ERP44: variants seen among roughly 807,000 people sequenced by gnomAD.
ERP44 encodes endoplasmic reticulum resident protein 44.
Under a neutral mutation model 53.4 loss-of-function variants are expected in ERP44, and 25 were observed. That is an observed-to-expected ratio of 0.47 (90% CI 0.34 to 0.65). The LOEUF is 0.65. ERP44 is among the 30% of genes least tolerant of loss of function. The pLI is 0.01. For missense variants in ERP44, 338 were observed against 493.2 expected (o/e 0.69, Z 2.98); for synonymous variants, 145 against 161.2 (o/e 0.90, Z 0.76).
intron 10 of ERP44, chr9:99,998,530 C>T: frequency 1.4e-6 from 1 of 720,418 alleles, no homozygotes; most frequent in Non-Finnish European, 2.6e-6. Context: ...CCCATCTCTG[C>T]TAATCTTCAC....
chr9:100,020,867 G>C (rs2118654231), intron 5 of ERP44, 136 bp from the exon 6 acceptor site: 1 of 542,696 alleles, frequency 1.8e-6, no homozygotes, highest in East Asian at 3.0e-5. Flanking sequence ...TGCATATTTA[G>C]TTTTTAACAC....
chr9:100,023,197 T>C (rs1393248103), intron 4 of ERP44, among the ~76,000 whole-genome samples: 1 of 152,058 alleles, frequency 6.6e-6, no homozygotes, highest in Non-Finnish European at 1.5e-5. Flanking sequence ...GACTATGTCT[T>C]TGGGGTGCTA....
At chr9:100,005,381 G>A (rs1392225955) in intron 10 of ERP44, among the ~76,000 whole-genome samples, 2 of 152,178 alleles carry the variant, frequency 1.3e-5, no homozygotes, top group Non-Finnish European at 2.9e-5. Context: ...CAGGGACCCA[G>A]TCTCAGTAAA....
intron 1 of ERP44, among the ~76,000 whole-genome samples, chr9:100,092,848 C>T (rs1332641626): frequency 6.6e-6 from 1 of 152,140 alleles, no homozygotes; most frequent in Non-Finnish European, 1.5e-5. Context: ...AAAACACTCA[C>T]TACTGATGAG....
intron 4 of ERP44, among the ~76,000 whole-genome samples, chr9:100,044,886 G>A (rs1280484760): frequency 6.6e-6 from 1 of 152,064 alleles, no homozygotes; most frequent in Non-Finnish European, 1.5e-5. Flanking sequence ...TATTTAAACA[G>A]ACTATTTTAT....
At chr9:100,090,060 G>A (rs1316726502) in intron 1 of ERP44, among the ~76,000 whole-genome samples, 1 of 152,064 alleles carries the variant, frequency 6.6e-6, no homozygotes, top group African/African-American at 2.4e-5. Flanking sequence ...TTCCTGTGAG[G>A]AAATAATATC....
In ERP44 at chr9:99,979,587, A is replaced by T. The variant is rs1587950651; in HGVS notation, c.*3025T>A. The T allele has an allele frequency of 1.0e-5, 2 of 191,582 alleles. No individual in the cohort carries two copies. Among genetic ancestry groups the T allele is most frequent in the East Asian group, 2.5e-4 (2 of 8,124 alleles). 11.9% of individuals were successfully genotyped at this position (191,582 alleles called of 1,614,324 possible). ...AATAATTTGTAGAATGTCATCTAAA[A>T]GTTTCCATCCTTTTATGGTCCCCCT... is the stretch of plus-strand genomic sequence containing the variant. On this transcript the variant is annotated 3_prime_UTR_variant, in exon 12 of 12. Coordinates refer to ENST00000262455, the MANE Select transcript of ERP44 (RefSeq NM_015051.3).
rs186280766 is a variant in ERP44, at chr9:99,991,267, T to G, written c.1017-6198A>C. On this transcript the variant is annotated intron_variant, in intron 10 of 11. Transcript: ENST00000262455. The stretch of plus-strand genomic sequence containing the variant: ...CCAAAACTGACCACATAGTTGGAAG[T>G]AAAGCACTCCTCAGCAAATATAAAA... Among the ~76,000 whole-genome samples the G allele has an allele frequency of 4.0e-3, 605 of 152,314 alleles. 3 individuals are homozygous for G. The highest frequency in any genetic ancestry group is 5.3e-3 in the Non-Finnish European group (359 of 68,016).
At chr9:100,019,546 G>A (rs982788442) in intron 6 of ERP44, among the ~76,000 whole-genome samples, 20 of 152,168 alleles carry the variant, frequency 1.3e-4, no homozygotes, top group Non-Finnish European at 2.2e-4. Context: ...TAATAGTCAT[G>A]AGCCAATGAA....
chr9:100,005,369 G>C (rs1163388375), intron 10 of ERP44, among the ~76,000 whole-genome samples: 1 of 152,200 alleles, frequency 6.6e-6, no homozygotes, highest in East Asian at 1.9e-4. Flanking sequence ...ATTCTTTGAG[G>C]GCAGGGACCC....
chr9:100,074,654 T>A (rs1282222592), intron 1 of ERP44, among the ~76,000 whole-genome samples: 3 of 152,140 alleles, frequency 2.0e-5, no homozygotes, highest in Admixed American at 6.5e-5. Flanking sequence ...CTTTGTCCCA[T>A]CCTTCCCCAA....
chr9:100,059,997 C>T, intron 2 of ERP44, 103 bp downstream of exon 2: 1 of 941,544 alleles, frequency 1.1e-6, no homozygotes. Context: ...AGCTCTTCAT[C>T]TGTGCTAGCT....
At chr9:100,003,349 G>A (rs989847895) in intron 10 of ERP44, among the ~76,000 whole-genome samples, 1 of 152,182 alleles carries the variant, frequency 6.6e-6, no homozygotes, top group Admixed American at 6.5e-5. Context: ...GTGATGTTAC[G>A]TTTATGTCTC....
intron 2 of ERP44, 54 bp from the exon 3 acceptor site, chr9:100,057,913 T>G: frequency 1.5e-6 from 2 of 1,315,776 alleles, no homozygotes; most frequent in Non-Finnish European, 2.2e-6. Flanking sequence ...TTGACATAAT[T>G]AAACATACAG....
At chr9:100,053,981 A>G (rs1193830031) in intron 3 of ERP44, among the ~76,000 whole-genome samples, 1 of 152,204 alleles carries the variant, frequency 6.6e-6, no homozygotes, top group African/African-American at 2.4e-5. Context: ...GGATGCAAAC[A>G]TTATACTTCC....
At chr9:99,999,768 T>C (rs1564086765) in intron 10 of ERP44, among the ~76,000 whole-genome samples, 1 of 152,212 alleles carries the variant, frequency 6.6e-6, no homozygotes, top group South Asian at 2.1e-4. Flanking sequence ...ACTAATGTCA[T>C]GAAGCTTTCC....
At chr9:100,050,742 C>G (rs1369557710) in intron 4 of ERP44, among the ~76,000 whole-genome samples, 8 of 152,152 alleles carry the variant, frequency 5.3e-5, no homozygotes, top group Non-Finnish European at 1.2e-4. Flanking sequence ...TGAAAAGCAT[C>G]TGAACTGTGC....
intron 10 of ERP44, among the ~76,000 whole-genome samples, chr9:100,002,710 CTTCTCTTGCTGCTTTCAT>C (rs1426708509): frequency 6.6e-6 from 1 of 152,114 alleles, no homozygotes; most frequent in African/African-American, 2.4e-5. Flanking sequence ...CTTTCATAAT[CTTCTCTTGCTGCTTTCAT>C]AATCTTCTCT....
At chr9:100,004,653 G>A (rs549071224) in intron 10 of ERP44, among the ~76,000 whole-genome samples, 1 of 152,126 alleles carries the variant, frequency 6.6e-6, no homozygotes, top group Non-Finnish European at 1.5e-5. Flanking sequence ...TGCTGCCTGG[G>A]GTTGGGGGAG....
Sources: gnomAD v4.1 joint callset for allele counts (sites outside exome capture counted in the v4.1 genomes callset) on GRCh38, gnomAD v4.1.1 for gene constraint, MANE v1.5 for transcripts, NCBI Gene and HGNC (gene_info 2026-07-23, HGNC 2026-07-21) for gene names.